PXK: variants seen among roughly 807,000 people sequenced by gnomAD.
The protein encoded by PXK is PX domain containing serine/threonine kinase like, also known as PX domain-containing protein kinase-like protein.
In PXK, 35 loss-of-function variants were observed where a neutral mutation model predicts 84.7. The observed-to-expected ratio is 0.41, with a 90% CI of 0.32 to 0.55. PXK has a LOEUF of 0.55. PXK is among the 20% of genes least tolerant of loss of function. The probability of loss-of-function intolerance (pLI) is 0.21; values close to 1 mark genes in which losing one functional copy is unlikely to be tolerated. For missense variants in PXK, 634 were observed against 699.7 expected (o/e 0.91, Z 1.06); for synonymous variants, 253 against 260.8 (o/e 0.97, Z 0.29).
rs2098545918 is a variant in PXK at position 58,385,770 on chromosome 3, ATTAC to A, written c.388+3071_388+3074del. Reference sequence around the variant, plus strand: ...CACCTCAGCCTCCCAAAGTGCTGGGATTACAGGCATGAGCCACTGTGCCTGGCCC... The same window carrying A: ...CACCTCAGCCTCCCAAAGTGCTGGGAAGGCATGAGCCACTGTGCCTGGCCC... On this transcript the variant is annotated intron_variant, in intron 4 of 17. Transcript: ENST00000356151. This position sits in a 1 kb window ranked among gnomAD's most constrained non-coding sequence, Gnocchi z 5.1. Among the ~76,000 whole-genome samples, 1 of 152,134 alleles carries A rather than the reference ATTAC, an allele frequency of 6.6e-6. No homozygotes were observed. The highest frequency in any genetic ancestry group is 6.5e-5 in the Admixed American group (1 of 15,276).
At chr3:58,340,987 T>C (rs1331237958) in intron 1 of PXK, among the ~76,000 whole-genome samples, 2 of 146,148 alleles carry the variant, frequency 1.4e-5, no homozygotes, top group Non-Finnish European at 3.0e-5. Flanking sequence ...TTTTTTTTTT[T>C]CCTTAAACTA....
chr3:58,369,580 C>G (rs985012769), intron 3 of PXK, 102 bp downstream of exon 3: 1 of 882,314 alleles, frequency 1.1e-6, no homozygotes, highest in African/African-American at 1.7e-5. Flanking sequence ...AATCCCAGCA[C>G]TTGGGGAGGC....
At chr3:58,389,588 C>T (rs1358545144) in intron 4 of PXK, among the ~76,000 whole-genome samples, 1 of 151,662 alleles carries the variant, frequency 6.6e-6, no homozygotes, top group Non-Finnish European at 1.5e-5. Flanking sequence ...TTTGGGAGGT[C>T]GAGATGGGCG....
intron 13 of PXK, among the ~76,000 whole-genome samples, chr3:58,405,100 A>G (rs547783717): frequency 6.6e-6 from 1 of 152,356 alleles, no homozygotes; most frequent in East Asian, 1.9e-4. Context: ...CAGCAAAGAT[A>G]GTATGATTTT....
intron 1 of PXK, among the ~76,000 whole-genome samples, chr3:58,361,066 G>C (rs766660107): frequency 4.6e-5 from 7 of 151,822 alleles, no homozygotes; most frequent in Non-Finnish European, 8.8e-5. Flanking sequence ...GGAGGCTGAG[G>C]TGGGCGGATC....
rs577503904 is a variant in PXK at position 58,394,962 on chromosome 3, C to A, written c.616-36C>A. The A allele has an allele frequency of 1.7e-5, 26 of 1,508,094 alleles. No homozygotes were observed. In the Middle Eastern group the frequency reaches 5.1e-4, roughly 30 times the overall value. The allele number at this position is 1,508,094 out of a possible 1,614,324, so 93.4% of individuals were successfully genotyped here. On this transcript the variant is annotated intron_variant, in intron 7 of 17. Coordinates refer to ENST00000356151, the MANE Select transcript of PXK (RefSeq NM_017771.5). ...GTATTTAAAAGGACCTAGATCCTGA[C>A]GCAAATCAATGTGAATTTCTTTTTT...
intron 1 of PXK, among the ~76,000 whole-genome samples, chr3:58,342,686 T>TG (rs2097759988): frequency 6.6e-6 from 1 of 151,246 alleles, no homozygotes; most frequent in Admixed American, 6.6e-5. Flanking sequence ...TTTTTAAAAC[T>TG]GTAAACTTGG....
chr3:58,420,626 A>C, intron 17 of PXK: 2 of 1,535,704 alleles, frequency 1.3e-6, no homozygotes, highest in East Asian at 4.9e-5. Context: ...CTGTGTGTGA[A>C]ATAGGACCCA....
rs111688423 is a variant in PXK at position 58,422,211 on chromosome 3, C to T, written c.1529-2541C>T. ...ATCAATGGGGCAGACTGAGTGAGACCGAGTCCCAGGTCTGTGTTCCTGCCT... is the reference window on the plus strand; with the variant it reads ...ATCAATGGGGCAGACTGAGTGAGACTGAGTCCCAGGTCTGTGTTCCTGCCT... On this transcript the variant is annotated intron_variant, in intron 17 of 17. Transcript: ENST00000356151. 1.0e-5 allele frequency: 10 copies of T among 985,278 alleles called. No homozygotes were observed. The South Asian group carries it at 2.3e-4, about 23-fold the overall frequency. The allele number at this position is 985,278 out of a possible 1,614,324, so 61.0% of individuals were successfully genotyped here.
In PXK at chr3:58,351,351, C is replaced by G. The variant is rs376045508; in HGVS notation, c.103-14523C>G. On this transcript the variant is annotated intron_variant, in intron 1 of 17. Coordinates refer to ENST00000356151, the MANE Select transcript of PXK (RefSeq NM_017771.5). ...TCAGTGATCCACCCGCCTCAGCCCCCCAAATAGCTGAGACTACAGGTGTGC... is the reference window on the plus strand; with the variant it reads ...TCAGTGATCCACCCGCCTCAGCCCCGCAAATAGCTGAGACTACAGGTGTGC... Among the ~76,000 whole-genome samples, 41 of 151,976 alleles carry G rather than the reference C, an allele frequency of 2.7e-4. No individual in the cohort carries two copies. The East Asian group carries it at 6.4e-3, about 24-fold the overall frequency.
chr3:58,342,441 C>T (rs1164920568), intron 1 of PXK, among the ~76,000 whole-genome samples: 1 of 151,878 alleles, frequency 6.6e-6, no homozygotes, highest in Non-Finnish European at 1.5e-5. Context: ...TCAAGACCAG[C>T]CTAGGCAACA....
chr3:58,423,822 T>A (rs1226320351), intron 17 of PXK, among the ~76,000 whole-genome samples: 1 of 152,202 alleles, frequency 6.6e-6, no homozygotes, highest in Non-Finnish European at 1.5e-5. Context: ...GTGTTTATTC[T>A]GTCCTGAGAG....
At chr3:58,368,295 A>G (rs1202964169) in intron 2 of PXK, among the ~76,000 whole-genome samples, 3 of 152,190 alleles carry the variant, frequency 2.0e-5, no homozygotes, top group African/African-American at 7.2e-5. Flanking sequence ...ACAGGAGGGC[A>G]GAAGACCAGA....
chr3:58,333,691 T>C lies in PXK; in HGVS notation c.102+601T>C. ...CAGTCGGGGCGCTGTTAAGCAGGTG[T>C]ATGAATGTGCTTCTCTAACTTGCTC... On this transcript the variant is annotated intron_variant, in intron 1 of 17. Transcript: ENST00000356151. This position sits in a 1 kb window ranked among gnomAD's most constrained non-coding sequence, Gnocchi z 5.4. The C allele has an allele frequency of 2.2e-6, 1 of 455,330 alleles. No homozygotes were observed. Among genetic ancestry groups the C allele is most frequent in the Non-Finnish European group, 4.4e-6 (1 of 226,336 alleles). The allele number at this position is 455,330 out of a possible 1,614,324, so 28.2% of individuals were successfully genotyped here. A position where few individuals can be genotyped will look rare whatever the true frequency, so the allele number is the denominator to read the frequency against.
chr3:58,395,156 T>C (rs771549158), intron 8 of PXK, 54 bp downstream of exon 8: 30 of 1,289,794 alleles, frequency 2.3e-5, no homozygotes, highest in Non-Finnish European at 3.1e-5. Context: ...TTAGAACCTG[T>C]TATTGATACT....
At position 58,400,885 on chromosome 3, in the gene PXK, C is replaced by T. The variant is rs375859174; in HGVS notation, c.1181+1508C>T. ...GAGCCAAGATCTCAGCACTGCACTCCAGCCTGGGTGACAGAGCAAGACTCC... is the reference window on the plus strand; with the variant it reads ...GAGCCAAGATCTCAGCACTGCACTCTAGCCTGGGTGACAGAGCAAGACTCC... On this transcript the variant is annotated intron_variant, in intron 12 of 17. Transcript: ENST00000356151. The surrounding 1 kb of genome is among the most constrained non-coding windows in gnomAD (Gnocchi z 4.0). Among the ~76,000 whole-genome samples, 1 of 152,164 alleles carries T rather than the reference C, an allele frequency of 6.6e-6. No individual in the cohort carries two copies. The highest frequency in any genetic ancestry group is 2.4e-5 in the African/African-American group (1 of 41,434).
In PXK at chr3:58,397,280, G is replaced by T; in HGVS notation, c.984+80G>T. Reference sequence around the variant, plus strand: ...CATGATCTGCCCATGTAGGAAATATGCACCAAGTAGTGAAAGGTATAGTTG... The same window carrying T: ...CATGATCTGCCCATGTAGGAAATATTCACCAAGTAGTGAAAGGTATAGTTG... On this transcript the variant is annotated intron_variant, in intron 10 of 17. Coordinates refer to ENST00000356151, the MANE Select transcript of PXK (RefSeq NM_017771.5). The surrounding 1 kb of genome is among the most constrained non-coding windows in gnomAD (Gnocchi z 4.7). 6.8e-7 allele frequency: 1 copy of T among 1,477,014 alleles called. No homozygotes were observed. The allele number at this position is 1,477,014 out of a possible 1,614,324, so 91.5% of individuals were successfully genotyped here. A position where few individuals can be genotyped will look rare whatever the true frequency, so the allele number is the denominator to read the frequency against.
chr3:58,422,644 C>G (rs1191844734), intron 17 of PXK: 1 of 985,252 alleles, frequency 1.0e-6, no homozygotes, highest in Non-Finnish European at 1.2e-6. Flanking sequence ...ATTTGCACTT[C>G]TAATTTTGAG....
chr3:58,340,725 C>CAAA (rs112156597), intron 1 of PXK, among the ~76,000 whole-genome samples: 20 of 136,480 alleles, frequency 1.5e-4, no homozygotes, highest in African/African-American at 4.0e-4. Context: ...AACTCTGTCT[C>CAAA]AAAAAAAAAA....
Sources: allele counts gnomAD v4.1 joint callset (sites outside exome capture counted in the v4.1 genomes callset), GRCh38; gene constraint gnomAD v4.1.1; non-coding constraint Gnocchi (gnomAD v3.1); transcripts MANE v1.5; gene names NCBI Gene and HGNC (gene_info 2026-07-23, HGNC 2026-07-21).